The following RELL1 variants were observed in gnomAD, a reference collection of about 807,000 sequenced individuals.
The protein encoded by RELL1 is RELT like 1, also known as RELT-like protein 1.
RELL1 carries 10 observed loss-of-function variants against 23.0 expected under a neutral mutation model. The ratio of observed to expected loss-of-function variants is 0.43; its 90% confidence interval spans 0.27 to 0.74. RELL1 has a LOEUF of 0.74. RELL1 is among the 30% of genes least tolerant of loss of function. The pLI, the probability that RELL1 is intolerant of heterozygous loss-of-function variation, is 0.19. For missense variants in RELL1, 315 were observed against 364.4 expected, an observed-to-expected ratio of 0.86 and a Z score of 1.10; for synonymous variants, 146 against 146.8, an observed-to-expected ratio of 0.99 and a Z score of 0.04.
intron 6 of RELL1, among the ~76,000 whole-genome samples, chr4:37,621,628 C>T (rs931934096): frequency 2.6e-5 from 4 of 152,186 alleles, no homozygotes; most frequent in African/African-American, 4.8e-5. Flanking sequence ...TCCAAAGTCT[C>T]TAGCCTCCAA....
chr4:37,617,771 A>G (rs1719622762), intron 6 of RELL1, among the ~76,000 whole-genome samples: 1 of 152,254 alleles, frequency 6.6e-6, no homozygotes, highest in South Asian at 2.1e-4. Flanking sequence ...TGACAGAGTG[A>G]GACTCCGTCT....
At chr4:37,609,391 A>G (rs1448005290), downstream of RELL1, among the ~76,000 whole-genome samples, 1 of 152,252 alleles carries the variant, frequency 6.6e-6, no homozygotes, top group Non-Finnish European at 1.5e-5. Flanking sequence ...GGACCTGGTC[A>G]GTTACCCAAG....
chr4:37,652,195 T>A (rs1467825146), intron 1 of RELL1, among the ~76,000 whole-genome samples: 1 of 152,206 alleles, frequency 6.6e-6, no homozygotes, highest in Non-Finnish European at 1.5e-5. Context: ...GAACAAAGAC[T>A]ACCTCTCTTT....
chr4:37,649,201 G>A, intron 2 of RELL1, 75 bp downstream of exon 2: 1 of 1,177,904 alleles, frequency 8.5e-7, no homozygotes, highest in African/African-American at 1.5e-5. Context: ...TCAGAGAGAT[G>A]GAAAGCATAT....
At chr4:37,685,188 T>TGGATGTTTATGGAGGA (rs1170691369) in intron 1 of RELL1, among the ~76,000 whole-genome samples, 2 of 152,222 alleles carry the variant, frequency 1.3e-5, no homozygotes, top group Admixed American at 1.3e-4. Context: ...GAAGAGTTTA[T>TGGATGTTTATGGAGGA]GGATGTTTAT....
chr4:37,596,727 TATATATA>T (rs1560319835), intron 6 of RELL1, among the ~76,000 whole-genome samples: 5 of 17,040 alleles, frequency 2.9e-4, no homozygotes, highest in Non-Finnish European at 3.6e-4. Flanking sequence ...TATATATATA[TATATATA>T]TATTTTTTTT....
intron 1 of RELL1, among the ~76,000 whole-genome samples, chr4:37,685,043 G>T (rs539522685): frequency 2.6e-5 from 4 of 152,244 alleles, no homozygotes; most frequent in African/African-American, 9.6e-5. Flanking sequence ...CGGAAATACG[G>T]GCCTGCTAAA....
chr4:37,620,752 A>G (rs1463230336), intron 6 of RELL1, among the ~76,000 whole-genome samples: 16 of 152,242 alleles, frequency 1.1e-4, no homozygotes, highest in Non-Finnish European at 2.9e-5. Flanking sequence ...CTTATAGGTT[A>G]TGTCTAACCT....
At chr4:37,626,755 A>G (rs1224158365) in intron 6 of RELL1, among the ~76,000 whole-genome samples, 3 of 152,194 alleles carry the variant, frequency 2.0e-5, no homozygotes, top group South Asian at 2.1e-4. Flanking sequence ...AACCTGGAGC[A>G]CATTACATTG....
At chr4:37,618,520 G>A (rs1719651935) in intron 6 of RELL1, among the ~76,000 whole-genome samples, 1 of 152,062 alleles carries the variant, frequency 6.6e-6, no homozygotes, top group Non-Finnish European at 1.5e-5. Flanking sequence ...TTACAGGTAT[G>A]AGCTATCACA....
chr4:37,592,195 C>T lies in RELL1; in HGVS notation c.*4-978G>A, dbSNP rs529260178. Reference sequence around the variant, plus strand: ...CTGCACTCCAGCCTGGGTGACAGTGCAAGACTCCATCTCAAAAAAAAAAAA... The same window carrying T: ...CTGCACTCCAGCCTGGGTGACAGTGTAAGACTCCATCTCAAAAAAAAAAAA... On this transcript the variant is annotated intron_variant, in intron 6 of 6. Transcript: ENST00000314117. 7.4e-4 allele frequency among the ~76,000 whole-genome samples: 91 copies of T among 123,376 alleles called. 1 individual carries two copies. Among genetic ancestry groups the T allele is most frequent in the Middle Eastern group, 9.9e-3 (2 of 202 alleles). 80.9% of individuals were successfully genotyped at this position (123,376 alleles called of 152,430 possible).
intron 1 of RELL1, among the ~76,000 whole-genome samples, chr4:37,670,630 G>T (rs1485565901): frequency 6.6e-6 from 1 of 151,406 alleles, no homozygotes; most frequent in African/African-American, 2.4e-5. Flanking sequence ...GAGTGCAGTG[G>T]TGTGATCTCT....
downstream of RELL1, among the ~76,000 whole-genome samples, chr4:37,608,318 T>C (rs78246118): frequency 6.0e-3 from 907 of 152,282 alleles, 6 homozygotes; most frequent in African/African-American, 0.02. Context: ...GGCAGAAAAT[T>C]AGGCCTCCTG....
intron 6 of RELL1, among the ~76,000 whole-genome samples, chr4:37,592,995 T>G (rs562827137): frequency 6.6e-6 from 1 of 152,332 alleles, no homozygotes; most frequent in East Asian, 1.9e-4. Flanking sequence ...ACGGCACCCT[T>G]ACAAATGCTT....
chr4:37,594,432 T>G (rs924799021), intron 6 of RELL1, among the ~76,000 whole-genome samples: 2 of 152,310 alleles, frequency 1.3e-5, no homozygotes, highest in African/African-American at 4.8e-5. Context: ...ACTTCACAGT[T>G]CCCCATGAAC....
intron 6 of RELL1, among the ~76,000 whole-genome samples, chr4:37,602,918 T>TA (rs1380348557): frequency 6.6e-6 from 1 of 152,044 alleles, no homozygotes; most frequent in Non-Finnish European, 1.5e-5. Context: ...ACACCTGCAG[T>TA]GACACAAGCT....
At chr4:37,681,598 A>G (rs1214950701) in intron 1 of RELL1, among the ~76,000 whole-genome samples, 1 of 136,192 alleles carries the variant, frequency 7.3e-6, no homozygotes, top group African/African-American at 2.8e-5. Flanking sequence ...GCACGATCTC[A>G]GCTCACTGCA....
chr4:37,591,944 C>T (rs1305588419), intron 6 of RELL1: 2 of 152,196 alleles, frequency 1.3e-5, no homozygotes, highest in South Asian at 2.1e-4. Flanking sequence ...CGTGGTGGCT[C>T]ATGCCTGTAA....
intron 6 of RELL1, 110 bp from the exon 7 acceptor site, chr4:37,613,452 C>T (rs1289301184): frequency 1.3e-5 from 2 of 152,026 alleles, no homozygotes; most frequent in Admixed American, 6.5e-5. Context: ...CTATTCTTAC[C>T]CTGTCCCATC....
Sources: allele counts gnomAD v4.1 joint callset (sites outside exome capture counted in the v4.1 genomes callset), GRCh38; gene constraint gnomAD v4.1.1; transcripts MANE v1.5; gene names NCBI Gene and HGNC (gene_info 2026-07-23, HGNC 2026-07-21).